The following SLCO5A1 variants were observed in gnomAD, a reference collection of about 807,000 sequenced individuals.
SLCO5A1 encodes solute carrier organic anion transporter family member 5A1.
SLCO5A1 carries 39 observed loss-of-function variants against 65.1 expected under a neutral mutation model. The ratio of observed to expected loss-of-function variants is 0.60; its 90% CI spans 0.46 to 0.78. The LOEUF is 0.78. Among genes scored for constraint, SLCO5A1 ranks in the 30% least tolerant of loss-of-function variants. The pLI is 0.00. For missense variants in SLCO5A1, 1,029 were observed against 1,069.4 expected (o/e 0.96, Z 0.53); for synonymous variants, 438 against 415.7 (o/e 1.05, Z -0.65).
Position 69,679,620 on chromosome 8 carries a change from CTAAG to C in SLCO5A1, c.1783-5_1783-2del. 1 of 1,613,178 alleles carries C rather than the reference CTAAG, an allele frequency of 6.2e-7. No individual in the cohort carries two copies. The highest frequency in any genetic ancestry group is 8.5e-7 in the Non-Finnish European group (1 of 1,179,166). ...AGGTGCATTCTGTATAATTCCGTAT[CTAAG>C]TGAGCAAAATAAAGATGAGTTGTGT... is the stretch of plus-strand genomic sequence containing the variant. On this transcript the variant is annotated splice_acceptor_variant and splice_polypyrimidine_tract_variant and intron_variant, in intron 7 of 9. Transcript: ENST00000260126. LOFTEE classifies it high-confidence loss of function.
At chr8:69,690,725 G>T (rs749822191) in intron 6 of SLCO5A1, among the ~76,000 whole-genome samples, 10 of 152,278 alleles carry the variant, frequency 6.6e-5, no homozygotes, top group Admixed American at 4.6e-4. Flanking sequence ...TTCGGAGCTG[G>T]GTGGAACTGA....
At chr8:69,773,294 T>C (rs1299828786) in intron 2 of SLCO5A1, among the ~76,000 whole-genome samples, 1 of 152,196 alleles carries the variant, frequency 6.6e-6, no homozygotes, top group Non-Finnish European at 1.5e-5. Flanking sequence ...CAATAGCATT[T>C]GGAAATGGTC....
At position 69,681,349 on chromosome 8, in the gene SLCO5A1, T is replaced by G. The variant is rs144203738; in HGVS notation, c.1782+835A>C. Among the ~76,000 whole-genome samples the G allele has an allele frequency of 5.1e-3, 771 of 152,274 alleles. 11 individuals carry two copies. The highest frequency in any genetic ancestry group is 0.018 in the African/African-American group (735 of 41,544). ...TGGCTCACACCTGTAATCCCAGCAC[T>G]TTGGAAGGCCAAGGCAGGCAGATCA... is the stretch of plus-strand genomic sequence containing the variant. On this transcript the variant is annotated intron_variant, in intron 7 of 9. Transcript: ENST00000260126.
chr8:69,817,633 C>T (rs1054087584), intron 2 of SLCO5A1, among the ~76,000 whole-genome samples: 8 of 152,146 alleles, frequency 5.3e-5, no homozygotes, highest in Admixed American at 2.6e-4. Flanking sequence ...TTATCATTTT[C>T]ACAAATGAGG....
rs180909997 is a variant in SLCO5A1 at position 69,694,372 on chromosome 8, A to G, written c.1622+10659T>C. On this transcript the variant is annotated intron_variant, in intron 6 of 9. Transcript: ENST00000260126. ...TAAGCATAAGACATGTGTAAGTGCCAATCACACTGAACCAAACATGTACCT... is the reference window on the plus strand; with the variant it reads ...TAAGCATAAGACATGTGTAAGTGCCGATCACACTGAACCAAACATGTACCT... 2.8e-4 allele frequency among the ~76,000 whole-genome samples: 43 copies of G among 152,350 alleles called. No homozygotes were observed. The East Asian group carries it at 7.3e-3, about 26-fold the overall frequency.
chr8:69,773,375 A>G (rs1053269662), intron 2 of SLCO5A1, among the ~76,000 whole-genome samples: 1 of 152,218 alleles, frequency 6.6e-6, no homozygotes, highest in East Asian at 1.9e-4. Context: ...AGGCTCCAGC[A>G]TCTAGAATGG....
At chr8:69,698,896 T>A (rs1019261529) in intron 6 of SLCO5A1, among the ~76,000 whole-genome samples, 3 of 152,182 alleles carry the variant, frequency 2.0e-5, no homozygotes, top group African/African-American at 7.2e-5. Context: ...AACTAGTGGA[T>A]ACAACTGACG....
rs191863885 is a variant in SLCO5A1, at chr8:69,790,262, G to A, written c.908-28387C>T. 2.0e-3 allele frequency among the ~76,000 whole-genome samples: 306 copies of A among 150,950 alleles called. 1 individual carries two copies. Among genetic ancestry groups the A allele is most frequent in the Non-Finnish European group, 3.4e-3 (233 of 67,782 alleles). On this transcript the variant is annotated intron_variant, in intron 2 of 9. Transcript: ENST00000260126. ...TCAAAGGATAAATGCTTGAAGGGAT[G>A]TATACCCCATTCTCCATGATGTGCT...
chr8:69,766,041 GTCTC>G, intron 2 of SLCO5A1, among the ~76,000 whole-genome samples: 1 of 152,232 alleles, frequency 6.6e-6, no homozygotes, highest in South Asian at 2.1e-4. Flanking sequence ...GGTACTATTA[GTCTC>G]TCTCTCACAG....
At position 69,805,848 on chromosome 8, in the gene SLCO5A1, G is replaced by A. The variant is rs77203570; in HGVS notation, c.907+25919C>T. On this transcript the variant is annotated intron_variant, in intron 2 of 9. Coordinates refer to ENST00000260126, the MANE Select transcript of SLCO5A1 (RefSeq NM_030958.3). ...CCTAGATCACAGAAGTTTCCAAATC[G>A]TGAAGGTGGTGTAAGAAGCAAAGCG... 4.3e-4 allele frequency among the ~76,000 whole-genome samples: 66 copies of A among 152,302 alleles called. No individual in the cohort carries two copies. In the East Asian group the frequency reaches 0.011, roughly 26 times the overall value.
chr8:69,714,128 A>C (rs1356375495), intron 5 of SLCO5A1, among the ~76,000 whole-genome samples: 2 of 152,228 alleles, frequency 1.3e-5, no homozygotes, highest in African/African-American at 2.4e-5. Context: ...TCTTTCATAT[A>C]TCTCAATCTT....
At chr8:69,784,811 A>AAGAAAG (rs1554620797) in intron 2 of SLCO5A1, among the ~76,000 whole-genome samples, 15 of 70,938 alleles carry the variant, frequency 2.1e-4, no homozygotes, top group African/African-American at 1.0e-3. Flanking sequence ...GAAAGAAAGA[A>AAGAAAG]AAAGAAAGAA....
chr8:69,672,892 C>G lies in SLCO5A1; in HGVS notation c.2524G>C (p.Ala842Pro). The change falls in exon 10 of 10, where the codon GCT (alanine) becomes CCT (proline). Residue 842 changes from alanine to proline, a missense_variant. Around this residue, in one of 3 missense-constraint regions of SLCO5A1, gnomAD observed 258 missense variants for 237.4 expected, o/e 1.09. Coordinates refer to ENST00000260126, the MANE Select transcript of SLCO5A1 (RefSeq NM_030958.3). ...SADPGLEESP[A>P]ALEPPS ...CTTCAGGAGGGCGGCTCCAAGGCAGCGGGGCTCTCTTCCAGCCCCGGGTCC... is the reference window on the plus strand; with the variant it reads ...CTTCAGGAGGGCGGCTCCAAGGCAGGGGGGCTCTCTTCCAGCCCCGGGTCC... 6.2e-7 allele frequency: 1 copy of G among 1,612,364 alleles called. No homozygotes were observed. The highest frequency in any genetic ancestry group is 8.5e-7 in the Non-Finnish European group (1 of 1,178,566).
chr8:69,744,295 G>A (rs1312521995), intron 4 of SLCO5A1, among the ~76,000 whole-genome samples: 2 of 152,212 alleles, frequency 1.3e-5, no homozygotes, highest in East Asian at 1.9e-4. Context: ...GTGAGAGCGG[G>A]CTGCTGCCTG....
intron 5 of SLCO5A1, among the ~76,000 whole-genome samples, chr8:69,706,974 C>T (rs114898491): frequency 0.018 from 2,694 of 152,142 alleles, 82 homozygotes; most frequent in African/African-American, 0.059. Context: ...ATGGCAAAAC[C>T]ATGTCTCTAT....
intron 5 of SLCO5A1, chr8:69,714,753 G>A (rs1434190573): frequency 2.0e-5 from 3 of 152,188 alleles, no homozygotes; most frequent in Middle Eastern, 3.2e-3. Context: ...CTTCAACAGG[G>A]AGATATTTAT....
chr8:69,703,001 C>T (rs578089669), intron 6 of SLCO5A1, among the ~76,000 whole-genome samples: 8 of 151,430 alleles, frequency 5.3e-5, no homozygotes, highest in African/African-American at 1.7e-4. Context: ...ACTCTCCCTA[C>T]TTGGGAGGCT....
chr8:69,786,713 AG>A (rs1819054500), intron 2 of SLCO5A1, among the ~76,000 whole-genome samples: 1 of 152,244 alleles, frequency 6.6e-6, no homozygotes, highest in Non-Finnish European at 1.5e-5. Context: ...GGAGAGCTAA[AG>A]TACATACTTG....
intron 2 of SLCO5A1, among the ~76,000 whole-genome samples, chr8:69,769,538 TAA>T (rs987251712): frequency 5.9e-5 from 9 of 152,198 alleles, no homozygotes; most frequent in African/African-American, 2.2e-4. Flanking sequence ...GAAGAAATAT[TAA>T]GTTGGATTTT....
Sources: allele counts gnomAD v4.1 joint callset (sites outside exome capture counted in the v4.1 genomes callset), GRCh38; gene constraint gnomAD v4.1.1; regional missense constraint gnomAD v4.1.1; transcripts MANE v1.5; gene names NCBI Gene and HGNC (gene_info 2026-07-23, HGNC 2026-07-21).